Variants in AP1AR observed in about 807,000 individuals in gnomAD.
AP1AR encodes adaptor related protein complex 1 associated regulatory protein, also known as AP-1 complex-associated regulatory protein.
AP1AR carries 29 observed loss-of-function variants against 46.3 expected under a neutral mutation model. The ratio of observed to expected loss-of-function variants is 0.63; its 90% CI spans 0.47 to 0.85. The LOEUF (loss-of-function observed/expected upper bound fraction) is 0.85, where lower values mean the gene tolerates loss of function less well. AP1AR is among the 40% of genes least tolerant of loss of function. AP1AR has a pLI of 0.00. For missense variants in AP1AR, 357 were observed against 356.3 expected (o/e 1.00, Z -0.02); for synonymous variants, 122 against 122.9 (o/e 0.99, Z 0.05).
chr4:112,255,936 T>C (rs1726182163), intron 3 of AP1AR, among the ~76,000 whole-genome samples: 1 of 152,238 alleles, frequency 6.6e-6, no homozygotes, highest in African/African-American at 2.4e-5. Context: ...GGGTCTACTT[T>C]CTACATCTTT....
At chr4:112,251,377 T>C (rs1361562229) in intron 1 of AP1AR, among the ~76,000 whole-genome samples, 1 of 152,260 alleles carries the variant, frequency 6.6e-6, no homozygotes, top group Non-Finnish European at 1.5e-5. Flanking sequence ...TATCTATGTA[T>C]AATTAGACTA....
chr4:112,269,091 A>AAG lies in AP1AR; in HGVS notation c.*684_*685dup, dbSNP rs139486602. The AAG allele has an allele frequency of 0.11, 11,292 of 105,568 alleles. 429 individuals carry two copies. Among genetic ancestry groups the AAG allele is most frequent in the Middle Eastern group, 0.15 (27 of 182 alleles). 6.5% of individuals were successfully genotyped at this position (105,568 alleles called of 1,614,324 possible). On this transcript the variant is annotated 3_prime_UTR_variant, in exon 10 of 10. Coordinates refer to ENST00000274000, the MANE Select transcript of AP1AR (RefSeq NM_018569.6). ...GTAATAATAAAAAATAATATTTAAG[A>AAG]AGATATATATATATATATATTTAGT... is the stretch of plus-strand genomic sequence containing the variant.
In AP1AR at chr4:112,269,895, T is replaced by C. The variant is rs1296615405; in HGVS notation, c.*1486T>C. Reference sequence around the variant, plus strand: ...TATTCACATTGCCTGTGTTAATGCTTTTTAAAGTTTGTATACATCAGATGT... The same window carrying C: ...TATTCACATTGCCTGTGTTAATGCTCTTTAAAGTTTGTATACATCAGATGT... On this transcript the variant is annotated 3_prime_UTR_variant, in exon 10 of 10. Transcript: ENST00000274000. 1.3e-5 allele frequency: 2 copies of C among 152,568 alleles called. No homozygotes were observed. Among genetic ancestry groups the C allele is most frequent in the Non-Finnish European group, 2.9e-5 (2 of 67,984 alleles). The allele number at this position is 152,568 out of a possible 1,614,324, so 9.5% of individuals were successfully genotyped here. A position where few individuals can be genotyped will look rare whatever the true frequency, so the allele number is the denominator to read the frequency against.
rs571320965 is a variant in AP1AR at position 112,271,223 on chromosome 4, G to C, written c.*2814G>C. 6.6e-6 allele frequency among the ~76,000 whole-genome samples: 1 copy of C among 152,328 alleles called. No individual in the cohort carries two copies. Among genetic ancestry groups the C allele is most frequent in the African/African-American group, 2.4e-5 (1 of 41,580 alleles). Reference sequence around the variant, plus strand: ...ATCCTCTCTGGATCCTCCATGGCAAGATAGGCCATCGTAAAGGAGCTGTCA... The same window carrying C: ...ATCCTCTCTGGATCCTCCATGGCAACATAGGCCATCGTAAAGGAGCTGTCA... On this transcript the variant is annotated 3_prime_UTR_variant, in exon 10 of 10. Coordinates refer to ENST00000274000, the MANE Select transcript of AP1AR (RefSeq NM_018569.6).
intron 1 of AP1AR, among the ~76,000 whole-genome samples, chr4:112,233,806 G>C (rs1725123377): frequency 6.6e-6 from 1 of 152,324 alleles, no homozygotes; most frequent in South Asian, 2.1e-4. Flanking sequence ...ATGAATCAGC[G>C]TGAGTGTTAA....
chr4:112,268,531 C>G lies in AP1AR; in HGVS notation c.*122C>G. 1 of 981,614 alleles carries G rather than the reference C, an allele frequency of 1.0e-6. No individual in the cohort carries two copies. The highest frequency in any genetic ancestry group is 1.4e-6 in the Non-Finnish European group (1 of 699,236). The allele number at this position is 981,614 out of a possible 1,614,324, so 60.8% of individuals were successfully genotyped here. ...TGTGTAAGAAACCATGTTGTAAATG[C>G]TTATTTTATTACAAAGGAGTAGGGA... On this transcript the variant is annotated 3_prime_UTR_variant, in exon 10 of 10. Coordinates refer to ENST00000274000, the MANE Select transcript of AP1AR (RefSeq NM_018569.6).
intron 1 of AP1AR, among the ~76,000 whole-genome samples, chr4:112,247,916 G>T (rs1725792012): frequency 6.6e-6 from 1 of 152,112 alleles, no homozygotes; most frequent in African/African-American, 2.4e-5. Context: ...TATTATGATG[G>T]GTGGATTAGG....
Position 112,265,051 on chromosome 4 carries a change from A to G in AP1AR, c.424A>G (p.Asn142Asp). The change falls in exon 7 of 10, where the codon AAT (asparagine) becomes GAT (aspartate). Residue 142 changes from asparagine to aspartate, a missense_variant. Physicochemically the swap from Asn to Asp is conservative, Grantham distance 23. Coordinates refer to ENST00000274000, the MANE Select transcript of AP1AR (RefSeq NM_018569.6). ...TGTGCAGCAATATCATCCTTCCAACAATGGAGAATATCAAAGGTAAATAGT... is the reference window on the plus strand; with the variant it reads ...TGTGCAGCAATATCATCCTTCCAACGATGGAGAATATCAAAGGTAAATAGT... The part of the protein sequence containing the change: ...RIVQQYHPSN[N>D]GEYQSSGPED... 6.2e-7 allele frequency: 1 copy of G among 1,602,908 alleles called. No homozygotes were observed. Among genetic ancestry groups the G allele is most frequent in the Middle Eastern group, 1.7e-4 (1 of 6,022 alleles).
intron 3 of AP1AR, among the ~76,000 whole-genome samples, 184 bp from the exon 4 acceptor site, chr4:112,257,588 A>G (rs1329272895): frequency 6.6e-6 from 1 of 152,200 alleles, no homozygotes. Flanking sequence ...AGAAGTAGCA[A>G]AATTTTAAAG....
rs76472291 is a variant in AP1AR at position 112,254,760 on chromosome 4, T to C, written c.146T>C (p.Val49Ala). The C allele has an allele frequency of 3.5e-4, 526 of 1,504,554 alleles. 2 individuals carry two copies. In the African/African-American group the frequency reaches 7.0e-3, roughly 20 times the overall value. The allele number at this position is 1,504,554 out of a possible 1,614,324, so 93.2% of individuals were successfully genotyped here. ...TTGTCCTTTCAGTTTGAGAATCTAG[T>C]AGAAAGTGATGAAGTAAGTATTTCC... ...EHLTIEFENL[V>A]ESDEGESPGS... The change falls in exon 3 of 10, where the codon GTA (valine) becomes GCA (alanine). Residue 49 changes from valine to alanine, a missense_variant. Transcript: ENST00000274000.
In AP1AR at chr4:112,232,181, C is replaced by T; in HGVS notation, c.83+7C>T. ...GAGTAGGCGGCGGCGGAGGGTAAGC[C>T]CGCTGGGGGAGGGGCCCGGCCCCCG... is the stretch of plus-strand genomic sequence containing the variant. On this transcript the variant is annotated splice_region_variant and intron_variant, in intron 1 of 9. Transcript: ENST00000274000. The T allele has an allele frequency of 1.6e-6, 2 of 1,271,668 alleles. No homozygotes were observed. The highest frequency in any genetic ancestry group is 1.0e-6 in the Non-Finnish European group (1 of 1,000,900). 78.8% of individuals were successfully genotyped at this position (1,271,668 alleles called of 1,614,324 possible). A position where few individuals can be genotyped will look rare whatever the true frequency, so the allele number is the denominator to read the frequency against.
intron 3 of AP1AR, chr4:112,254,996 T>C (rs1199149089): frequency 4.1e-6 from 1 of 244,052 alleles, no homozygotes; most frequent in Non-Finnish European, 7.8e-6. Flanking sequence ...AGTCTCGCTC[T>C]GTCTCCCAGG....
At chr4:112,252,023 A>G (rs1488296816) in intron 1 of AP1AR, among the ~76,000 whole-genome samples, 2 of 152,128 alleles carry the variant, frequency 1.3e-5, no homozygotes, top group East Asian at 3.9e-4. Context: ...TCCCAGAATT[A>G]CTTGAGCCCA....
Position 112,268,668 on chromosome 4 carries a change from G to C in AP1AR, c.*259G>C, listed in dbSNP as rs114615943. ...TTACTGATTAAATTTACTTTGTCTT[G>C]TCTTTATAGCATTTCTGTTTACTAT... On this transcript the variant is annotated 3_prime_UTR_variant, in exon 10 of 10. Coordinates refer to ENST00000274000, the MANE Select transcript of AP1AR (RefSeq NM_018569.6). 1,160 of 306,706 alleles carry C rather than the reference G, an allele frequency of 3.8e-3. 8 individuals are homozygous for C. Among genetic ancestry groups the C allele is most frequent in the African/African-American group, 0.022 (1,043 of 46,528 alleles). 19.0% of individuals were successfully genotyped at this position (306,706 alleles called of 1,614,324 possible).
At position 112,232,024 on chromosome 4, in the gene AP1AR, C is replaced by G. The variant is rs1725023354; in HGVS notation, c.-68C>G. The G allele has an allele frequency of 7.8e-7, 1 of 1,289,532 alleles. No individual in the cohort carries two copies. Among genetic ancestry groups the G allele is most frequent in the Non-Finnish European group, 1.0e-6 (1 of 1,004,118 alleles). The allele number at this position is 1,289,532 out of a possible 1,614,324, so 79.9% of individuals were successfully genotyped here. On this transcript the variant is annotated 5_prime_UTR_variant, in exon 1 of 10. Coordinates refer to ENST00000274000, the MANE Select transcript of AP1AR (RefSeq NM_018569.6). ...TTCGGCTCGTGCCGTGCGGATGCAG[C>G]TGCCGGGCCTGGGTTTGGGCATTGA...
rs968364050 is a variant in AP1AR at position 112,273,052 on chromosome 4, T to C, written c.*4643T>C. ...CACAAAAGAAATCTGAGATTCCACATTGAAATCCTAAATGTAAAACAACAA... is the reference window on the plus strand; with the variant it reads ...CACAAAAGAAATCTGAGATTCCACACTGAAATCCTAAATGTAAAACAACAA... On this transcript the variant is annotated 3_prime_UTR_variant, in exon 10 of 10. Coordinates refer to ENST00000274000, the MANE Select transcript of AP1AR (RefSeq NM_018569.6). 4 of 151,922 alleles carry C rather than the reference T, an allele frequency of 2.6e-5. No individual in the cohort carries two copies. The highest frequency in any genetic ancestry group is 9.7e-5 in the African/African-American group (4 of 41,350). 9.4% of individuals were successfully genotyped at this position (151,922 alleles called of 1,614,324 possible). A position where few individuals can be genotyped will look rare whatever the true frequency, so the allele number is the denominator to read the frequency against.
intron 1 of AP1AR, among the ~76,000 whole-genome samples, chr4:112,252,813 T>G (rs550227959): frequency 6.6e-6 from 1 of 152,328 alleles, no homozygotes; most frequent in African/African-American, 2.4e-5. Flanking sequence ...TTCTGTGTAT[T>G]TTTAACAAAA....
intron 3 of AP1AR, 70 bp downstream of exon 3, chr4:112,254,843 A>G: frequency 1.3e-6 from 1 of 757,510 alleles, no homozygotes; most frequent in South Asian, 3.2e-5. Context: ...AGTTCTAACA[A>G]TTACGTTTAC....
At chr4:112,260,951 A>G (rs1455286534) in intron 5 of AP1AR, 89 bp downstream of exon 5, 1 of 715,120 alleles carries the variant, frequency 1.4e-6, no homozygotes, top group South Asian at 2.6e-5. Context: ...CTTTGGACCT[A>G]TATTTAGATA....
Sources: gnomAD v4.1 joint callset for allele counts (sites outside exome capture counted in the v4.1 genomes callset) on GRCh38, gnomAD v4.1.1 for gene constraint, MANE v1.5 for transcripts, NCBI Gene and HGNC (gene_info 2026-07-23, HGNC 2026-07-21) for gene names.